The following PCDHGA4 variants were observed in gnomAD, a reference collection of about 807,000 sequenced individuals.
PCDHGA4 encodes the protein protocadherin gamma subfamily A, 4, also known as protocadherin gamma-A4.
In PCDHGA4, 38 loss-of-function variants were observed where a neutral mutation model predicts 54.6. The ratio of observed to expected loss-of-function variants is 0.70; its 90% CI spans 0.54 to 0.91. The LOEUF (loss-of-function observed/expected upper bound fraction) is 0.91. Ranked by LOEUF, PCDHGA4 falls within the 40% of genes least tolerant of loss-of-function variation. PCDHGA4 has a pLI of 0.00. For synonymous variants in PCDHGA4, 511 were observed against 512.9 expected (o/e 1.00, Z 0.05); for missense variants, 1,298 against 1,220.9 (o/e 1.06, Z -0.94).
At chr5:141,492,189 G>A (rs2099737936) in intron 1 of PCDHGA4, among the ~76,000 whole-genome samples, 1 of 152,204 alleles carries the variant, frequency 6.6e-6, no homozygotes, top group East Asian at 1.9e-4. Flanking sequence ...GCACCTGTCT[G>A]CGGGACTTAG....
intron 1 of PCDHGA4, chr5:141,384,357 G>A (rs1226263341): frequency 1.2e-6 from 2 of 1,613,734 alleles, no homozygotes; most frequent in African/African-American, 2.7e-5. Flanking sequence ...ATAATGCCCA[G>A]ATCACTTATT....
chr5:141,469,476 G>A (rs2154570344), intron 1 of PCDHGA4, among the ~76,000 whole-genome samples: 1 of 152,246 alleles, frequency 6.6e-6, no homozygotes, highest in South Asian at 2.1e-4. Context: ...TCGGGAGGCT[G>A]AGGCAGGAGA....
chr5:141,489,238 G>A lies in PCDHGA4; in HGVS notation c.2515-5569G>A. On this transcript the variant is annotated intron_variant, in intron 1 of 3. Coordinates refer to ENST00000571252, the MANE Select transcript of PCDHGA4 (RefSeq NM_018917.4). The surrounding 1 kb of genome is among the most constrained non-coding windows in gnomAD (Gnocchi z 4.5). ...TTACTCTCCACAAAGGGACTTCTGG[G>A]TCATGGGGCCCAAGACACTCCCACA... 6.5e-7 allele frequency: 1 copy of A among 1,534,146 alleles called. No homozygotes were observed.
intron 1 of PCDHGA4, chr5:141,400,181 A>T: frequency 6.2e-7 from 1 of 1,614,034 alleles, no homozygotes; most frequent in Non-Finnish European, 8.5e-7. Flanking sequence ...GCTGAGCTGC[A>T]GTTTTACCTA....
intron 1 of PCDHGA4, chr5:141,394,906 C>T (rs2150590922): frequency 6.2e-7 from 1 of 1,613,754 alleles, no homozygotes; most frequent in Admixed American, 1.7e-5. Flanking sequence ...GTGGCAGTGG[C>T]TGCCATCTCC....
At chr5:141,399,742 A>G in intron 1 of PCDHGA4, 14 of 1,613,320 alleles carry the variant, frequency 8.7e-6, no homozygotes, top group Non-Finnish European at 1.2e-5. Flanking sequence ...GCCTGCGCTC[A>G]GCGCAAACGT....
chr5:141,473,029 G>A (rs62379204), intron 1 of PCDHGA4, among the ~76,000 whole-genome samples: 15,982 of 147,800 alleles, frequency 0.11, 873 homozygotes, highest in South Asian at 0.15. Flanking sequence ...AAGGAAGGAA[G>A]GAAGGAAAGA....
rs1288502839 is a variant in PCDHGA4 at position 141,356,953 on chromosome 5, G to A, written c.1846G>A (p.Gly616Ser). 6 of 1,614,062 alleles carry A rather than the reference G, an allele frequency of 3.7e-6. No individual in the cohort carries two copies. In the East Asian group the frequency reaches 8.9e-5, roughly 24 times the overall value. The change falls in exon 1 of 4, where the codon GGC (glycine) becomes AGC (serine). Residue 616 changes from glycine to serine, a missense_variant. Coordinates refer to ENST00000571252, the MANE Select transcript of PCDHGA4 (RefSeq NM_018917.4). ...VELAPRSADS[G>S]YLVTKVVAVD... is the part of the protein sequence containing the mutation. ...GCTGGCACCCCGCTCCGCAGATTCCGGCTACCTGGTGACCAAAGTGGTGGC... is the reference window on the plus strand; with the variant it reads ...GCTGGCACCCCGCTCCGCAGATTCCAGCTACCTGGTGACCAAAGTGGTGGC...
chr5:141,422,222 C>A (rs1453283842), intron 1 of PCDHGA4: 2 of 1,564,972 alleles, frequency 1.3e-6, no homozygotes, highest in South Asian at 1.2e-5. Flanking sequence ...TTTACCACCA[C>A]GACGATGTTG....
At chr5:141,460,724 A>C (rs1294708205) in intron 1 of PCDHGA4, among the ~76,000 whole-genome samples, 1 of 152,114 alleles carries the variant, frequency 6.6e-6, no homozygotes, top group African/African-American at 2.4e-5. Context: ...TGTTATAAGC[A>C]TATATACACA....
intron 1 of PCDHGA4, chr5:141,408,623 G>T: frequency 6.2e-7 from 1 of 1,614,004 alleles, no homozygotes; most frequent in Non-Finnish European, 8.5e-7. Context: ...AATACATTTA[G>T]AAATTTTCGA....
intron 1 of PCDHGA4, chr5:141,421,253 A>G: frequency 6.2e-7 from 1 of 1,607,298 alleles, no homozygotes; most frequent in South Asian, 1.1e-5. Context: ...CAGCGCGGGG[A>G]CCGCAGTCGG....
intron 1 of PCDHGA4, chr5:141,395,711 G>A (rs2093302364): frequency 1.3e-5 from 2 of 154,440 alleles, no homozygotes; most frequent in African/African-American, 4.8e-5. Context: ...CCTGTAACTA[G>A]GCTCTTGTAG....
chr5:141,360,472 C>G, intron 1 of PCDHGA4: 1 of 1,613,884 alleles, frequency 6.2e-7, no homozygotes, highest in Non-Finnish European at 8.5e-7. Flanking sequence ...CGCTGAAAAT[C>G]CACTAAATAT....
intron 1 of PCDHGA4, among the ~76,000 whole-genome samples, chr5:141,449,594 A>T (rs2098647409): frequency 6.6e-6 from 1 of 150,814 alleles, no homozygotes; most frequent in Non-Finnish European, 1.5e-5. Context: ...GTCTCAAAAA[A>T]AAAAAAAAAA....
intron 1 of PCDHGA4, chr5:141,404,730 C>G: frequency 6.2e-7 from 1 of 1,613,984 alleles, no homozygotes; most frequent in East Asian, 2.2e-5. Context: ...AAGGTGGTGG[C>G]AGTGGACAGA....
chr5:141,410,109 ACG>A, intron 1 of PCDHGA4: 1 of 1,612,496 alleles, frequency 6.2e-7, no homozygotes, highest in Non-Finnish European at 8.5e-7. Flanking sequence ...GGCGACAGGG[ACG>A]CAGCCCGCCA....
rs2099661624 is a variant in PCDHGA4, at chr5:141,487,712, G to A, written c.2515-7095G>A. The stretch of plus-strand genomic sequence containing the variant: ...AGAGAGTACTGGCCTCTCAGTAAGT[G>A]CCCATAGTGATGTCACCATTTTTGT... On this transcript the variant is annotated intron_variant, in intron 1 of 3. Coordinates refer to ENST00000571252, the MANE Select transcript of PCDHGA4 (RefSeq NM_018917.4). The surrounding 1 kb of genome is among the most constrained non-coding windows in gnomAD (Gnocchi z 5.0). The A allele has an allele frequency of 5.0e-6, 8 of 1,585,892 alleles. No individual in the cohort carries two copies. The highest frequency in any genetic ancestry group is 1.1e-5 in the South Asian group (1 of 87,950).
intron 1 of PCDHGA4, chr5:141,377,007 T>G (rs985572001): frequency 6.4e-6 from 1 of 155,470 alleles, no homozygotes; most frequent in Non-Finnish European, 1.4e-5. Context: ...TTTTTATTGG[T>G]TGACAGGAAA....
Sources: gnomAD v4.1 joint callset for allele counts (sites outside exome capture counted in the v4.1 genomes callset) on GRCh38, gnomAD v4.1.1 for gene constraint, Gnocchi (gnomAD v3.1) non-coding constraint, MANE v1.5 for transcripts, NCBI Gene and HGNC (gene_info 2026-07-23, HGNC 2026-07-21) for gene names.